The following OR14J1 variants were observed in gnomAD, a reference collection of about 807,000 sequenced individuals.
The protein encoded by OR14J1 is olfactory receptor family 14 subfamily J member 1.
For synonymous variants in OR14J1, 140 were observed against 146.7 expected (o/e 0.95, Z 0.33); for missense variants, 378 against 393.4 (o/e 0.96, Z 0.33).
In OR14J1 at chr6:29,311,706, T is replaced by TG. The variant is rs1459314225; in HGVS notation, c.*4052dup. On this transcript the variant is annotated 3_prime_UTR_variant, in exon 2 of 2. Transcript: ENST00000641895. Reference sequence around the variant, plus strand: ...AATGGTACCAGCTCCTTTTTGTACTTGCGGTAGAATTCGTCTGTGAATCTG... The same window carrying TG: ...AATGGTACCAGCTCCTTTTTGTACTTGGCGGTAGAATTCGTCTGTGAATCTG... 6.6e-6 allele frequency: 1 copy of TG among 152,222 alleles called. No homozygotes were observed. Among genetic ancestry groups the TG allele is most frequent in the Non-Finnish European group, 1.5e-5 (1 of 68,052 alleles). 9.4% of individuals were successfully genotyped at this position (152,222 alleles called of 1,614,324 possible).
At chr6:29,305,965 A>T (rs1431453158) in intron 1 of OR14J1, among the ~76,000 whole-genome samples, 1 of 152,298 alleles carries the variant, frequency 6.6e-6, no homozygotes, top group East Asian at 1.9e-4. Context: ...CCAAGTTGTC[A>T]TAAGAATTTT....
Position 29,307,109 on chromosome 6 carries a change from G to A in OR14J1, c.420G>A (p.Arg140=), listed in dbSNP as rs778113772. 9 of 1,612,906 alleles carry A rather than the reference G, an allele frequency of 5.6e-6. No individual in the cohort carries two copies. Among genetic ancestry groups the A allele is most frequent in the Non-Finnish European group, 7.6e-6 (9 of 1,180,014 alleles). ...CTATTATGGATCCCCGTGCCTGTAGGCATGCAGTGATAGCTGTGTGGATTG... is the reference window on the plus strand; with the variant it reads ...CTATTATGGATCCCCGTGCCTGTAGACATGCAGTGATAGCTGTGTGGATTG... ...YETIMDPRAC[R]HAVIAVWIAG... is the part of the protein sequence containing the mutation. The change falls in exon 2 of 2, where the codon AGG becomes AGA. Residue 140 remains arginine, a synonymous_variant. Transcript: ENST00000641895.
chr6:29,306,583 T>C, intron 1 of OR14J1, 79 bp from the exon 2 acceptor site: 2 of 704,114 alleles, frequency 2.8e-6, no homozygotes, highest in South Asian at 3.5e-5. Flanking sequence ...ACCTCCTTGC[T>C]GAGGAATTGA....
Position 29,306,802 on chromosome 6 carries a change from C to T in OR14J1, c.113C>T (p.Thr38Ile). Reference protein sequence around the residue: ...VFLVTYLLALTGNLLIITIIT... With the variant: ...VFLVTYLLALIGNLLIITIIT... ...CTGGTGACATACCTGCTGGCCTTGA[C>T]AGGCAACCTCCTCATTATCACCATC... is the stretch of plus-strand genomic sequence containing the variant. The change falls in exon 2 of 2, where the codon ACA becomes ATA. Residue 38 changes from threonine to isoleucine, a missense_variant. By Grantham distance (89) the Thr-to-Ile change is moderately conservative (BLOSUM62 -1). Coordinates refer to ENST00000641895, the MANE Select transcript of OR14J1 (RefSeq NM_030946.2). 6.2e-7 allele frequency: 1 copy of T among 1,613,016 alleles called. No homozygotes were observed. The highest frequency in any genetic ancestry group is 8.5e-7 in the Non-Finnish European group (1 of 1,179,954).
intron 1 of OR14J1, among the ~76,000 whole-genome samples, chr6:29,306,232 T>TGCCCCTGAGCTGTTTCTAGATCC (rs1775074184): frequency 6.6e-6 from 1 of 152,222 alleles, no homozygotes; most frequent in African/African-American, 2.4e-5. Flanking sequence ...TTTCTAGATC[T>TGCCCCTGAGCTGTTTCTAGATCC]GCCTCTGAGC....
intron 1 of OR14J1, among the ~76,000 whole-genome samples, chr6:29,304,454 G>A (rs1367205822): frequency 6.6e-6 from 1 of 152,144 alleles, no homozygotes; most frequent in Non-Finnish European, 1.5e-5. Context: ...AAAATGTTTA[G>A]TTTTATTATA....
Position 29,312,456 on chromosome 6 carries a change from C to T in OR14J1, c.*4801C>T, listed in dbSNP as rs2151202345. Reference sequence around the variant, plus strand: ...CACTGTTCCTCATGGCTCAGTCCCTCATGGCTTCCCTTGGCTAGGGGAGGG... The same window carrying T: ...CACTGTTCCTCATGGCTCAGTCCCTTATGGCTTCCCTTGGCTAGGGGAGGG... On this transcript the variant is annotated 3_prime_UTR_variant, in exon 2 of 2. Coordinates refer to ENST00000641895, the MANE Select transcript of OR14J1 (RefSeq NM_030946.2). 5.9e-6 allele frequency: 1 copy of T among 170,572 alleles called. No individual in the cohort carries two copies. The highest frequency in any genetic ancestry group is 1.8e-4 in the South Asian group (1 of 5,422). The allele number at this position is 170,572 out of a possible 1,614,324, so 10.6% of individuals were successfully genotyped here.
rs1391512682 is a variant in OR14J1, at chr6:29,309,209, T to C, written c.*1554T>C. On this transcript the variant is annotated 3_prime_UTR_variant, in exon 2 of 2. Transcript: ENST00000641895. ...CCCTGCAAAGGACATGAAATCATCT[T>C]TTTTATGGCTGCATAGTATTCCATA... 3.3e-5 allele frequency: 5 copies of C among 152,232 alleles called. No individual in the cohort carries two copies. Among genetic ancestry groups the C allele is most frequent in the Admixed American group, 2.6e-4 (4 of 15,274 alleles). The allele number at this position is 152,232 out of a possible 1,614,324, so 9.4% of individuals were successfully genotyped here. A position where few individuals can be genotyped will look rare whatever the true frequency, so the allele number is the denominator to read the frequency against.
intron 1 of OR14J1, among the ~76,000 whole-genome samples, chr6:29,304,804 T>G (rs529574199): frequency 7.2e-4 from 110 of 152,308 alleles, no homozygotes; most frequent in African/African-American, 2.6e-3. Context: ...GAAACCTTAA[T>G]GGGGAGGCTA....
In OR14J1 at chr6:29,307,001, T is replaced by C. The variant is rs1775140525; in HGVS notation, c.312T>C (p.Ala104=). The change falls in exon 2 of 2, where the codon GCT becomes GCC. Residue 104 remains alanine (A), a synonymous_variant. Coordinates refer to ENST00000641895, the MANE Select transcript of OR14J1 (RefSeq NM_030946.2). ...QCILQVFFFI[A]LASSEVAILT... ...TTCTTCAGGTTTTCTTCTTCATAGCTCTGGCCTCATCAGAAGTGGCCATTC... is the reference window on the plus strand; with the variant it reads ...TTCTTCAGGTTTTCTTCTTCATAGCCCTGGCCTCATCAGAAGTGGCCATTC... The C allele has an allele frequency of 6.2e-7, 1 of 1,612,980 alleles. No individual in the cohort carries two copies. Among genetic ancestry groups the C allele is most frequent in the Non-Finnish European group, 8.5e-7 (1 of 1,180,040 alleles).
In OR14J1 at chr6:29,308,611, T is replaced by C. The variant is rs1210037369; in HGVS notation, c.*956T>C. On this transcript the variant is annotated 3_prime_UTR_variant, in exon 2 of 2. Transcript: ENST00000641895. ...AATGTGTGAGATAAGGAGGCACAAA[T>C]CTTGTGAATCTGAATATCTGATTCA... 2 of 152,300 alleles carry C rather than the reference T, an allele frequency of 1.3e-5. No homozygotes were observed. The highest frequency in any genetic ancestry group is 3.9e-4 in the East Asian group (2 of 5,186). 9.4% of individuals were successfully genotyped at this position (152,300 alleles called of 1,614,324 possible). A position where few individuals can be genotyped will look rare whatever the true frequency, so the allele number is the denominator to read the frequency against.
chr6:29,301,933 A>T (rs1774724998), intron 1 of OR14J1, 146 bp downstream of exon 1: 1 of 152,220 alleles, frequency 6.6e-6, no homozygotes, highest in Admixed American at 6.5e-5. Flanking sequence ...CAGTTTAAAT[A>T]AGCTGCGATA....
rs1775428187 is a variant in OR14J1, at chr6:29,310,465, G to C, written c.*2810G>C. 6.6e-6 allele frequency: 1 copy of C among 152,064 alleles called. No individual in the cohort carries two copies. The highest frequency in any genetic ancestry group is 6.5e-5 in the Admixed American group (1 of 15,270). The allele number at this position is 152,064 out of a possible 1,614,324, so 9.4% of individuals were successfully genotyped here. A position where few individuals can be genotyped will look rare whatever the true frequency, so the allele number is the denominator to read the frequency against. On this transcript the variant is annotated 3_prime_UTR_variant, in exon 2 of 2. Coordinates refer to ENST00000641895, the MANE Select transcript of OR14J1 (RefSeq NM_030946.2). The stretch of plus-strand genomic sequence containing the variant: ...TCTGAGGCCTCTGTTCTGTTCTGTT[G>C]GTCTATATATCTGTTTTGGCACCAG...
intron 1 of OR14J1, 77 bp downstream of exon 1, chr6:29,301,864 G>A (rs957935786): frequency 2.0e-5 from 3 of 152,014 alleles, no homozygotes; most frequent in African/African-American, 4.8e-5. Flanking sequence ...GCGACTATGC[G>A]AGTCTTCAAA....
rs1775221986 is a variant in OR14J1 at position 29,307,772 on chromosome 6, AATTCT to A, written c.*118_*122del. The stretch of plus-strand genomic sequence containing the variant: ...TATTGTATATATTCCTCTCAAATAT[AATTCT>A]TTAAAATTTAAGATGTTGTGCTCTA... On this transcript the variant is annotated 3_prime_UTR_variant, in exon 2 of 2. Coordinates refer to ENST00000641895, the MANE Select transcript of OR14J1 (RefSeq NM_030946.2). 1 of 585,222 alleles carries A rather than the reference AATTCT, an allele frequency of 1.7e-6. No individual in the cohort carries two copies. The highest frequency in any genetic ancestry group is 3.1e-5 in the Admixed American group (1 of 32,338). 36.3% of individuals were successfully genotyped at this position (585,222 alleles called of 1,614,324 possible). A position where few individuals can be genotyped will look rare whatever the true frequency, so the allele number is the denominator to read the frequency against.
At chr6:29,305,336 A>G (rs1775005142) in intron 1 of OR14J1, among the ~76,000 whole-genome samples, 1 of 152,246 alleles carries the variant, frequency 6.6e-6, no homozygotes, top group African/African-American at 2.4e-5. Flanking sequence ...TATCAGATGC[A>G]GTTACTTCAA....
At position 29,309,942 on chromosome 6, in the gene OR14J1, C is replaced by T. The variant is rs571060728; in HGVS notation, c.*2287C>T. The T allele has an allele frequency of 6.6e-6, 1 of 152,358 alleles. No homozygotes were observed. Among genetic ancestry groups the T allele is most frequent in the Admixed American group, 6.5e-5 (1 of 15,300 alleles). The allele number at this position is 152,358 out of a possible 1,614,324, so 9.4% of individuals were successfully genotyped here. The stretch of plus-strand genomic sequence containing the variant: ...AAAGTGTCTGTTCACATCCTTCGCC[C>T]ACATTTTGATGGGGTTGTTTGTTTT... On this transcript the variant is annotated 3_prime_UTR_variant, in exon 2 of 2. Coordinates refer to ENST00000641895, the MANE Select transcript of OR14J1 (RefSeq NM_030946.2).
In OR14J1 at chr6:29,307,121, A is replaced by C. The variant is rs746023839; in HGVS notation, c.432A>C (p.Ile144=). 2.5e-6 allele frequency: 4 copies of C among 1,613,018 alleles called. No homozygotes were observed. The highest frequency in any genetic ancestry group is 3.4e-6 in the Non-Finnish European group (4 of 1,180,026). Residue 144 remains isoleucine, a synonymous_variant, in exon 2 of 2, where the codon ATA becomes ATC. Coordinates refer to ENST00000641895, the MANE Select transcript of OR14J1 (RefSeq NM_030946.2). ...CCCGTGCCTGTAGGCATGCAGTGAT[A>C]GCTGTGTGGATTGCTGGGGGCCTCT... ...MDPRACRHAV[I]AVWIAGGLSG... is the part of the protein sequence containing the mutation.
chr6:29,302,185 T>C (rs964749996), intron 1 of OR14J1, among the ~76,000 whole-genome samples: 2 of 142,554 alleles, frequency 1.4e-5, no homozygotes, highest in Admixed American at 6.9e-5. Context: ...TTTTCTTTTT[T>C]TTTTTTTTTT....
Sources: gnomAD v4.1 joint callset for allele counts (sites outside exome capture counted in the v4.1 genomes callset) on GRCh38, gnomAD v4.1.1 for gene constraint, MANE v1.5 for transcripts, NCBI Gene and HGNC (gene_info 2026-07-23, HGNC 2026-07-21) for gene names.